Variants in SLIT1 observed in about 807,000 individuals in gnomAD.
SLIT1 encodes slit homolog 1 protein.
SLIT1 carries 66 observed loss-of-function variants against 186.1 expected under a neutral mutation model. That is an observed-to-expected ratio of 0.35 (90% CI 0.29 to 0.44). The LOEUF is 0.44. SLIT1 is among the 20% of genes least tolerant of loss of function. The probability of loss-of-function intolerance (pLI) is 1.00; values close to 1 mark genes in which losing one functional copy is unlikely to be tolerated. For synonymous variants in SLIT1, 761 were observed against 833.8 expected (o/e 0.91, Z 1.50); for missense variants, 1,638 against 2,037.4 (o/e 0.80, Z 3.77).
intron 23 of SLIT1, among the ~76,000 whole-genome samples, chr10:97,031,880 C>T (rs1265235757): frequency 6.6e-6 from 1 of 152,258 alleles, no homozygotes; most frequent in Non-Finnish European, 1.5e-5. Context: ...ATCCCTTCTG[C>T]CTCAATCAGT....
intron 1 of SLIT1, among the ~76,000 whole-genome samples, chr10:97,180,957 G>A (rs1016903867): frequency 6.6e-6 from 1 of 152,212 alleles, no homozygotes. Flanking sequence ...CTTTGAGGTA[G>A]TAGGTGTTAT....
chr10:97,017,644 TG>T (rs938035955), intron 28 of SLIT1, among the ~76,000 whole-genome samples: 7 of 152,104 alleles, frequency 4.6e-5, no homozygotes, highest in Non-Finnish European at 1.0e-4. Context: ...ACTCATGAGA[TG>T]GGGGGACCCC....
chr10:97,175,884 C>T (rs538386870), intron 1 of SLIT1, among the ~76,000 whole-genome samples: 12 of 152,208 alleles, frequency 7.9e-5, no homozygotes, highest in Non-Finnish European at 1.8e-4. Context: ...CCAGACACCT[C>T]ACTCCCTATA....
chr10:97,040,034 G>T lies in SLIT1; in HGVS notation c.2251C>A (p.His751Asn), dbSNP rs1195654482. ...ATGCCCTTGGGCAGGGCCCGCAGGT[G>T]CTTGTTGCTGCATCGGACCACGGTG... is the stretch of plus-strand genomic sequence containing the variant. The part of the protein sequence containing the change: ...LDTVVRCSNK[H>N]LRALPKGIPK... The change falls in exon 21 of 37, where the codon CAC becomes AAC. Residue 751 changes from histidine to asparagine, a missense_variant. Transcript: ENST00000266058. 3.7e-6 allele frequency: 6 copies of T among 1,613,504 alleles called. No individual in the cohort carries two copies. The Admixed American group carries it at 1.0e-4, about 27-fold the overall frequency.
At chr10:97,180,037 C>T (rs1453048061) in intron 1 of SLIT1, among the ~76,000 whole-genome samples, 1 of 152,214 alleles carries the variant, frequency 6.6e-6, no homozygotes, top group Non-Finnish European at 1.5e-5. Context: ...GCACGGCCGC[C>T]CCTGCTGGCA....
intron 1 of SLIT1, among the ~76,000 whole-genome samples, chr10:97,174,140 T>C (rs1564694966): frequency 6.6e-6 from 1 of 152,120 alleles, no homozygotes; most frequent in Non-Finnish European, 1.5e-5. Context: ...TGCCCACTTA[T>C]CTCCTCTGGA....
intron 4 of SLIT1, among the ~76,000 whole-genome samples, chr10:97,093,418 CA>C (rs1564673781): frequency 6.6e-6 from 1 of 152,294 alleles, no homozygotes; most frequent in Non-Finnish European, 1.5e-5. Flanking sequence ...AGTTGCTGAA[CA>C]AAAAAACTTC....
chr10:97,063,328 G>A, intron 8 of SLIT1, 127 bp downstream of exon 8: 1 of 986,526 alleles, frequency 1.0e-6, no homozygotes, highest in Non-Finnish European at 1.6e-6. Context: ...GATGGGTGGG[G>A]CCAGGTGATG....
At chr10:97,103,607 G>C (rs913592722) in intron 4 of SLIT1, 2 of 152,216 alleles carry the variant, frequency 1.3e-5, no homozygotes, top group Non-Finnish European at 2.9e-5. Flanking sequence ...AGCGCACAGT[G>C]TGATTTCCAG....
At chr10:97,137,939 T>C (rs1211176638) in intron 4 of SLIT1, among the ~76,000 whole-genome samples, 1 of 152,234 alleles carries the variant, frequency 6.6e-6, no homozygotes, top group Non-Finnish European at 1.5e-5. Flanking sequence ...TAAACAAGAT[T>C]AAGCAACTTG....
intron 13 of SLIT1, among the ~76,000 whole-genome samples, chr10:97,056,115 T>A (rs997490985): frequency 5.9e-5 from 9 of 152,210 alleles, no homozygotes; most frequent in Admixed American, 6.5e-5. Context: ...CCAGAGAAGC[T>A]GCCCAGAATC....
chr10:97,061,527 C>T (rs1589378935), intron 8 of SLIT1, among the ~76,000 whole-genome samples: 2 of 152,236 alleles, frequency 1.3e-5, no homozygotes, highest in Admixed American at 1.3e-4. Flanking sequence ...TGCTCGTTTA[C>T]GAACTTCACA....
intron 28 of SLIT1, among the ~76,000 whole-genome samples, chr10:97,015,687 T>G (rs1421767966): frequency 1.3e-5 from 2 of 152,250 alleles, no homozygotes; most frequent in Non-Finnish European, 2.9e-5. Context: ...TCCTTCTATG[T>G]GTAATAATTT....
At chr10:97,137,346 T>C (rs1331198413) in intron 4 of SLIT1, among the ~76,000 whole-genome samples, 1 of 152,160 alleles carries the variant, frequency 6.6e-6, no homozygotes, top group Non-Finnish European at 1.5e-5. Flanking sequence ...TTCTCTTTGT[T>C]TGGGGGGAAA....
intron 4 of SLIT1, among the ~76,000 whole-genome samples, chr10:97,149,647 A>G (rs1318740163): frequency 3.3e-5 from 5 of 152,040 alleles, no homozygotes; most frequent in African/African-American, 1.2e-4. Context: ...GGGAATCTGA[A>G]TTTTAATAAA....
chr10:97,149,742 G>C (rs917592298), intron 4 of SLIT1, among the ~76,000 whole-genome samples: 1 of 152,100 alleles, frequency 6.6e-6, no homozygotes, highest in African/African-American at 2.4e-5. Context: ...GGTCAGGTGG[G>C]CCTGGGTTCG....
intron 4 of SLIT1, among the ~76,000 whole-genome samples, chr10:97,095,049 G>A (rs895237018): frequency 1.3e-5 from 2 of 152,176 alleles, no homozygotes; most frequent in Non-Finnish European, 2.9e-5. Flanking sequence ...CTGAGAGGCC[G>A]AGGCAGGTGG....
intron 4 of SLIT1, among the ~76,000 whole-genome samples, chr10:97,098,085 T>C (rs1366827434): frequency 6.6e-6 from 1 of 152,220 alleles, no homozygotes; most frequent in Non-Finnish European, 1.5e-5. Flanking sequence ...TGAATAGCCT[T>C]GAACCATCAT....
chr10:97,084,976 T>G (rs1225378921), intron 4 of SLIT1, among the ~76,000 whole-genome samples: 9 of 142,554 alleles, frequency 6.3e-5, no homozygotes, highest in Non-Finnish European at 1.4e-4. Context: ...CAGGCTGGAG[T>G]GCAGTAGTGT....
Sources: allele counts gnomAD v4.1 joint callset (sites outside exome capture counted in the v4.1 genomes callset), GRCh38; gene constraint gnomAD v4.1.1; transcripts MANE v1.5; gene names NCBI Gene and HGNC (gene_info 2026-07-23, HGNC 2026-07-21).